The following TMEM170A variants were observed in gnomAD, a reference collection of about 807,000 sequenced individuals.
TMEM170A encodes the protein transmembrane protein 170A.
Under a neutral mutation model 12.8 loss-of-function variants are expected in TMEM170A, and 18 were observed. The ratio of observed to expected loss-of-function variants is 1.41; its 90% CI spans 0.97 to 2.09. The LOEUF is 2.09. Ranked by LOEUF, TMEM170A falls within the 30% of genes most tolerant of loss-of-function variation. The pLI, the probability that TMEM170A is intolerant of heterozygous loss-of-function variation, is 0.00. For missense variants in TMEM170A, 220 were observed against 179.9 expected, an observed-to-expected ratio of 1.22 and a Z score of -1.28; for synonymous variants, 107 against 76.2, an observed-to-expected ratio of 1.40 and a Z score of -2.11.
rs191111013 is a variant in TMEM170A at position 75,455,519 on chromosome 16, C to G, written c.134-3680G>C. Among the ~76,000 whole-genome samples the G allele has an allele frequency of 5.2e-3, 796 of 152,246 alleles. 3 individuals are homozygous for G. The highest frequency in any genetic ancestry group is 8.9e-3 in the Non-Finnish European group (607 of 68,030). On this transcript the variant is annotated intron_variant, in intron 1 of 2. Transcript: ENST00000561878. ...TGTGGAAATGCTTCTATGTACTGAG[C>G]ATGTTTATTTAATAAATAATTATTA...
chr16:75,457,677 A>G (rs1252253405), intron 1 of TMEM170A, among the ~76,000 whole-genome samples: 2 of 152,218 alleles, frequency 1.3e-5, no homozygotes, highest in Non-Finnish European at 1.5e-5. Flanking sequence ...CCCCTGCCCC[A>G]GGAGGCCTGC....
chr16:75,454,865 T>C (rs1405054739), intron 1 of TMEM170A, among the ~76,000 whole-genome samples: 1 of 152,188 alleles, frequency 6.6e-6, no homozygotes, highest in Non-Finnish European at 1.5e-5. Flanking sequence ...CAAATGTGCA[T>C]GGCCCTTGCT....
chr16:75,457,762 C>A (rs537761173), intron 1 of TMEM170A, among the ~76,000 whole-genome samples: 1 of 152,210 alleles, frequency 6.6e-6, no homozygotes, highest in African/African-American at 2.4e-5. Context: ...GCATACACAG[C>A]AGGCCAACAC....
Position 75,447,052 on chromosome 16 carries a change from T to C in TMEM170A, c.*506A>G, listed in dbSNP as rs2079599314. The C allele has an allele frequency of 6.6e-6, 1 of 152,216 alleles. No homozygotes were observed. Among genetic ancestry groups the C allele is most frequent in the Non-Finnish European group, 1.5e-5 (1 of 68,046 alleles). The allele number at this position is 152,216 out of a possible 1,614,324, so 9.4% of individuals were successfully genotyped here. A position where few individuals can be genotyped will look rare whatever the true frequency, so the allele number is the denominator to read the frequency against. The stretch of plus-strand genomic sequence containing the variant: ...CCTGCTTTATTTCACCAAATTTGTT[T>C]TCAAAACTATACTCAACCAAAACCT... On this transcript the variant is annotated 3_prime_UTR_variant, in exon 3 of 3. Transcript: ENST00000561878.
chr16:75,461,300 C>T (rs1375926575), intron 1 of TMEM170A, among the ~76,000 whole-genome samples: 1 of 152,214 alleles, frequency 6.6e-6, no homozygotes, highest in Non-Finnish European at 1.5e-5. Context: ...ATGATCCGCC[C>T]GCTTCGGCCT....
intron 2 of TMEM170A, among the ~76,000 whole-genome samples, chr16:75,450,072 G>A (rs867982102): frequency 2.6e-5 from 4 of 151,852 alleles, no homozygotes; most frequent in Admixed American, 1.3e-4. Context: ...ATTTTACTGA[G>A]GAACAAACTA....
intron 1 of TMEM170A, among the ~76,000 whole-genome samples, chr16:75,464,026 A>C (rs958133788): frequency 1.3e-5 from 2 of 152,178 alleles, no homozygotes; most frequent in Admixed American, 1.3e-4. Flanking sequence ...CCCCGGGGCA[A>C]GGGGAGCGCG....
chr16:75,449,308 A>G (rs1397346633), intron 2 of TMEM170A, among the ~76,000 whole-genome samples: 2 of 150,342 alleles, frequency 1.3e-5, no homozygotes, highest in African/African-American at 4.9e-5. Context: ...AAAATAACAT[A>G]CAGTGTCTCA....
At chr16:75,452,482 C>T (rs1567699330) in intron 1 of TMEM170A, among the ~76,000 whole-genome samples, 2 of 151,860 alleles carry the variant, frequency 1.3e-5, no homozygotes, top group African/African-American at 4.8e-5. Flanking sequence ...GGTCTCACTA[C>T]TCTGTTGCCC....
At chr16:75,452,002 C>T (rs1027275107) in intron 1 of TMEM170A, among the ~76,000 whole-genome samples, 163 bp from the exon 2 acceptor site, 3 of 151,942 alleles carry the variant, frequency 2.0e-5, no homozygotes, top group African/African-American at 4.8e-5. Flanking sequence ...GACGGAGTCT[C>T]GCTCTGTCAC....
In TMEM170A at chr16:75,457,816, T is replaced by C. The variant is rs531215898; in HGVS notation, c.134-5977A>G. On this transcript the variant is annotated intron_variant, in intron 1 of 2. Coordinates refer to ENST00000561878, the MANE Select transcript of TMEM170A (RefSeq NM_145254.3). Reference sequence around the variant, plus strand: ...AAGGGAGGAGGCACACCGCACCCCCTACAACCCTGAGCCACATCCATTAGC... The same window carrying C: ...AAGGGAGGAGGCACACCGCACCCCCCACAACCCTGAGCCACATCCATTAGC... Among the ~76,000 whole-genome samples the C allele has an allele frequency of 2.7e-4, 41 of 152,294 alleles. No homozygotes were observed. The South Asian group carries it at 5.0e-3, about 18-fold the overall frequency.
chr16:75,452,627 A>G (rs934257562), intron 1 of TMEM170A: 14 of 152,062 alleles, frequency 9.2e-5, no homozygotes, highest in Admixed American at 3.3e-4. Flanking sequence ...TTCTTTAGAG[A>G]TGGGGTCTCA....
intron 1 of TMEM170A, among the ~76,000 whole-genome samples, chr16:75,452,296 T>C (rs917088772): frequency 1.3e-5 from 2 of 151,054 alleles, no homozygotes; most frequent in African/African-American, 4.9e-5. Flanking sequence ...AAAGACGGGG[T>C]CTCACTCCGT....
At chr16:75,460,430 G>A (rs765673260) in intron 1 of TMEM170A, among the ~76,000 whole-genome samples, 2 of 152,058 alleles carry the variant, frequency 1.3e-5, no homozygotes, top group Non-Finnish European at 2.9e-5. Flanking sequence ...AGTCCCTCCA[G>A]GCACCCTGGG....
intron 2 of TMEM170A, among the ~76,000 whole-genome samples, chr16:75,449,477 G>A (rs1440194131): frequency 6.6e-6 from 1 of 151,968 alleles, no homozygotes; most frequent in African/African-American, 2.4e-5. Flanking sequence ...ACCACACCTG[G>A]CTATTTTATT....
chr16:75,457,103 A>C (rs891680700), intron 1 of TMEM170A, among the ~76,000 whole-genome samples: 1 of 152,078 alleles, frequency 6.6e-6, no homozygotes, highest in Admixed American at 6.5e-5. Context: ...TGTCTGCCCC[A>C]TACTGACCTG....
chr16:75,464,423 G>C (rs780949725), intron 1 of TMEM170A, 45 bp downstream of exon 1: 1 of 1,399,548 alleles, frequency 7.1e-7, no homozygotes, highest in Non-Finnish European at 9.3e-7. Context: ...GCACGGCAGC[G>C]GCGACGGCGG....
chr16:75,449,542 C>T (rs1324909970), intron 2 of TMEM170A, among the ~76,000 whole-genome samples: 2 of 152,114 alleles, frequency 1.3e-5, no homozygotes, highest in Non-Finnish European at 1.5e-5. Flanking sequence ...TGGTTTTGAA[C>T]TCTTGGACTT....
At chr16:75,452,084 G>A (rs532264680) in intron 1 of TMEM170A, among the ~76,000 whole-genome samples, 1 of 152,052 alleles carries the variant, frequency 6.6e-6, no homozygotes, top group South Asian at 2.1e-4. Flanking sequence ...CGATTCTCCT[G>A]CCTCAGCCTC....
Sources: gnomAD v4.1 joint callset for allele counts (sites outside exome capture counted in the v4.1 genomes callset) on GRCh38, gnomAD v4.1.1 for gene constraint, MANE v1.5 for transcripts, NCBI Gene and HGNC (gene_info 2026-07-23, HGNC 2026-07-21) for gene names.